The following MEF2B variants were observed in gnomAD, a reference collection of about 807,000 sequenced individuals.
MEF2B encodes the protein myocyte enhancer factor 2B.
Under a neutral mutation model 32.2 loss-of-function variants are expected in MEF2B, and 15 were observed. That is an observed-to-expected ratio of 0.47 (90% CI 0.31 to 0.72). The LOEUF is 0.72. Ranked by LOEUF, MEF2B falls within the 30% of genes least tolerant of loss-of-function variation. The pLI is 0.05. For synonymous variants in MEF2B, 205 were observed against 225.6 expected, an observed-to-expected ratio of 0.91 and a Z score of 0.82; for missense variants, 441 against 511.5, an observed-to-expected ratio of 0.86 and a Z score of 1.33.
At chr19:19,166,417 C>T (rs1006836034) in intron 1 of MEF2B, among the ~76,000 whole-genome samples, 5 of 152,018 alleles carry the variant, frequency 3.3e-5, no homozygotes, top group Non-Finnish European at 5.9e-5. Flanking sequence ...AGGGCTGGGG[C>T]GAGTTCCCTG....
intron 1 of MEF2B, among the ~76,000 whole-genome samples, chr19:19,152,530 C>T (rs1047609864): frequency 6.6e-6 from 1 of 152,032 alleles, no homozygotes; most frequent in African/African-American, 2.4e-5. Context: ...ATGGCAAAAC[C>T]CTGTCTCTAC....
At chr19:19,165,594 G>T (rs558088431) in intron 1 of MEF2B, among the ~76,000 whole-genome samples, 2 of 152,288 alleles carry the variant, frequency 1.3e-5, no homozygotes, top group East Asian at 3.9e-4. Flanking sequence ...GACAGAGAAG[G>T]TCAGAGAGGC....
In MEF2B at chr19:19,152,873, C is replaced by T. The variant is rs115805632; in HGVS notation, c.-29-2109G>A. Among the ~76,000 whole-genome samples the T allele has an allele frequency of 8.3e-3, 1,261 of 152,326 alleles. 18 individuals are homozygous for T. Among genetic ancestry groups the T allele is most frequent in the African/African-American group, 0.028 (1,167 of 41,576 alleles). On this transcript the variant is annotated intron_variant, in intron 1 of 8. Transcript: ENST00000424583. Reference sequence around the variant, plus strand: ...TGTGACCCCAGGCACACCCTCTGCCCTCTCTGGGCTGGGTCTCTGAGCCCC... The same window carrying T: ...TGTGACCCCAGGCACACCCTCTGCCTTCTCTGGGCTGGGTCTCTGAGCCCC...
rs557788848 is a variant in MEF2B, at chr19:19,148,185, C to T, written c.259-353G>A. Among the ~76,000 whole-genome samples the T allele has an allele frequency of 5.3e-5, 8 of 152,354 alleles. No homozygotes were observed. In the South Asian group the frequency reaches 6.2e-4, roughly 12 times the overall value. ...TGGCATCAAAAGCTGCTTAAGAGGC[C>T]GGGCGCGGTGGCTCACGCCTACAAT... On this transcript the variant is annotated intron_variant, in intron 3 of 8. Coordinates refer to ENST00000424583, the MANE Select transcript of MEF2B (RefSeq NM_001145785.2).
chr19:19,146,541 G>A lies in MEF2B; in HGVS notation c.769+14C>T. On this transcript the variant is annotated intron_variant, in intron 7 of 8. Coordinates refer to ENST00000424583, the MANE Select transcript of MEF2B (RefSeq NM_001145785.2). The stretch of plus-strand genomic sequence containing the variant: ...ACGCTTCCCAGGTGGGGCAGGGCAG[G>A]TTAGGGGATGTACCTGGGGGGCCTC... 6.5e-7 allele frequency: 1 copy of A among 1,540,906 alleles called. No homozygotes were observed. The highest frequency in any genetic ancestry group is 8.7e-7 in the Non-Finnish European group (1 of 1,145,446).
At chr19:19,153,785 CTG>C (rs1253455132) in intron 1 of MEF2B, among the ~76,000 whole-genome samples, 1 of 152,228 alleles carries the variant, frequency 6.6e-6, no homozygotes, top group East Asian at 1.9e-4. Context: ...CAGTCTTGCT[CTG>C]TTGCCCAGGC....
chr19:19,146,369 T>G lies in MEF2B; in HGVS notation c.785A>C (p.Asp262Ala). The G allele has an allele frequency of 1.8e-6, 2 of 1,094,820 alleles. No individual in the cohort carries two copies. The highest frequency in any genetic ancestry group is 2.0e-5 in the South Asian group (1 of 50,246). The allele number at this position is 1,094,820 out of a possible 1,614,324, so 67.8% of individuals were successfully genotyped here. ...PGGPPEYGLG[D>A]PPPPPGLLQP... is the part of the protein sequence containing the mutation. ...CAACAAGCCAGGGGGCGGTGGAGGG[T>G]CTCCCAGGCCATATTCTGGTGGGCA... Residue 262 changes from aspartate to alanine, a missense_variant, in exon 8 of 9, where the codon GAC (aspartate) becomes GCC (alanine). Around this residue, in one of 2 missense-constraint regions of MEF2B, gnomAD observed 326 missense variants for 328.4 expected, o/e 0.99. Transcript: ENST00000424583.
chr19:19,167,821 T>C (rs574364469), intron 1 of MEF2B, among the ~76,000 whole-genome samples: 1 of 152,104 alleles, frequency 6.6e-6, no homozygotes, highest in African/African-American at 2.4e-5. Context: ...GAGAGGAAGC[T>C]GGGCCTCGTG....
At chr19:19,147,963 C>G (rs553100993) in intron 3 of MEF2B, 131 bp from the exon 4 acceptor site, 5 of 1,413,408 alleles carry the variant, frequency 3.5e-6, no homozygotes, top group Admixed American at 2.8e-5. Flanking sequence ...ATGGCCTGCT[C>G]TAGCCAAACC....
chr19:19,148,230 G>A (rs979406058), intron 3 of MEF2B, among the ~76,000 whole-genome samples: 10 of 152,212 alleles, frequency 6.6e-5, no homozygotes, highest in African/African-American at 1.9e-4. Context: ...TTGGGAGGCC[G>A]AGGCAGGCAG....
intron 4 of MEF2B, 130 bp from the exon 5 acceptor site, chr19:19,147,313 G>A: frequency 2.4e-6 from 2 of 822,960 alleles, no homozygotes; most frequent in Non-Finnish European, 1.6e-6. Context: ...CCTCCCACCA[G>A]GCTCCCTACC....
chr19:19,149,514 C>G (rs567371591), intron 2 of MEF2B, 85 bp from the exon 3 acceptor site: 1 of 1,536,216 alleles, frequency 6.5e-7, no homozygotes, highest in Non-Finnish European at 8.9e-7. Context: ...GGGCCTAACC[C>G]TTCCTCGAAC....
rs2060052716 is a variant in MEF2B, at chr19:19,149,203, C to T, written c.258+23G>A. On this transcript the variant is annotated intron_variant, in intron 3 of 8. Transcript: ENST00000424583. ...GCAGCGTGCACGGGGCCTTGTGGGG[C>T]TGGGGAGGAGGACCTGGGGTACCTC... is the stretch of plus-strand genomic sequence containing the variant. 3.1e-6 allele frequency: 5 copies of T among 1,612,526 alleles called. No individual in the cohort carries two copies. In the South Asian group the frequency reaches 4.4e-5, roughly 14 times the overall value.
intron 1 of MEF2B, among the ~76,000 whole-genome samples, chr19:19,155,701 T>G (rs926642462): frequency 1.3e-5 from 2 of 152,118 alleles, no homozygotes; most frequent in African/African-American, 4.8e-5. Context: ...AGAGTGTGCA[T>G]GTATATTTGT....
chr19:19,153,549 C>T lies in MEF2B; in HGVS notation c.-29-2785G>A, dbSNP rs146129367. ...TTGGCTCACTGCAACCTCTGCCTCC[C>T]GGGTTCAAGTGATTCTCCCGTTTCA... On this transcript the variant is annotated intron_variant, in intron 1 of 8. Transcript: ENST00000424583. Among the ~76,000 whole-genome samples the T allele has an allele frequency of 6.3e-3, 959 of 152,086 alleles. 12 individuals carry two copies. Among genetic ancestry groups the T allele is most frequent in the African/African-American group, 0.021 (876 of 41,476 alleles).
Position 19,153,044 on chromosome 19 carries a change from G to T in MEF2B, c.-29-2280C>A, listed in dbSNP as rs550713744. 2.0e-4 allele frequency among the ~76,000 whole-genome samples: 30 copies of T among 152,326 alleles called. No homozygotes were observed. In the East Asian group the frequency reaches 5.6e-3, roughly 28 times the overall value. Reference sequence around the variant, plus strand: ...GGATATGTTGCCCCCACCCTGATGGGTCCCTGGGGGGTGGACGGGGGCCTT... The same window carrying T: ...GGATATGTTGCCCCCACCCTGATGGTTCCCTGGGGGGTGGACGGGGGCCTT... On this transcript the variant is annotated intron_variant, in intron 1 of 8. Coordinates refer to ENST00000424583, the MANE Select transcript of MEF2B (RefSeq NM_001145785.2).
intron 3 of MEF2B, among the ~76,000 whole-genome samples, chr19:19,148,680 C>CTTAT (rs200858994): frequency 0.072 from 10,168 of 142,198 alleles, 389 homozygotes; most frequent in East Asian, 0.13. Context: ...ACTCCTCTGT[C>CTTAT]TTATTTATTT....
At chr19:19,162,600 C>T (rs936714956) in intron 1 of MEF2B, among the ~76,000 whole-genome samples, 1 of 152,292 alleles carries the variant, frequency 6.6e-6, no homozygotes, top group East Asian at 1.9e-4. Flanking sequence ...CCTCTGGCAC[C>T]CATGGGGAAA....
At chr19:19,155,282 T>C (rs1027990965) in intron 1 of MEF2B, among the ~76,000 whole-genome samples, 1 of 152,136 alleles carries the variant, frequency 6.6e-6, no homozygotes, top group African/African-American at 2.4e-5. Flanking sequence ...CCCTTTCCCC[T>C]TTTTCACCAA....
Sources: gnomAD v4.1 joint callset for allele counts (sites outside exome capture counted in the v4.1 genomes callset) on GRCh38, gnomAD v4.1.1 for gene constraint, gnomAD v4.1.1 regional missense constraint, MANE v1.5 for transcripts, NCBI Gene and HGNC (gene_info 2026-07-23, HGNC 2026-07-21) for gene names.